GPM6A: variants seen among roughly 807,000 people sequenced by gnomAD.
The protein encoded by GPM6A is glycoprotein M6A.
GPM6A carries 7 observed loss-of-function variants against 32.1 expected under a neutral mutation model. The ratio of observed to expected loss-of-function variants is 0.22; its 90% CI spans 0.12 to 0.41. The LOEUF (loss-of-function observed/expected upper bound fraction) is 0.41, where lower values mean the gene tolerates loss of function less well. GPM6A is among the 10% of genes least tolerant of loss of function. The pLI is 1.00. For missense variants in GPM6A, 235 were observed against 347.2 expected (o/e 0.68, Z 2.57); for synonymous variants, 130 against 123.4 (o/e 1.05, Z -0.35).
At chr4:175,733,221 T>C (rs2581745) in intron 1 of GPM6A, among the ~76,000 whole-genome samples, 66,852 of 151,898 alleles carry the variant, frequency 0.44, 15,332 homozygotes, top group East Asian at 0.92. Flanking sequence ...AAAATAAACT[T>C]GGCAGTGTGC....
chr4:175,658,407 C>T (rs1440768274), intron 3 of GPM6A, among the ~76,000 whole-genome samples: 9 of 151,688 alleles, frequency 5.9e-5, no homozygotes, highest in Admixed American at 5.3e-4. Flanking sequence ...TCAGTGGTTG[C>T]CAAGTGTAGG....
intron 4 of GPM6A, among the ~76,000 whole-genome samples, chr4:175,649,156 A>T (rs1392678597): frequency 1.3e-5 from 2 of 152,146 alleles, no homozygotes; most frequent in African/African-American, 2.4e-5. Flanking sequence ...AAATTATTTC[A>T]TTTCTTAGGG....
intron 6 of GPM6A, among the ~76,000 whole-genome samples, chr4:175,637,818 AT>A (rs1740888847): frequency 8.6e-6 from 1 of 116,516 alleles, no homozygotes; most frequent in African/African-American, 3.4e-5. Flanking sequence ...CTATTTATAT[AT>A]TATATATAAA....
intron 6 of GPM6A, among the ~76,000 whole-genome samples, chr4:175,635,606 T>TAG (rs1439808053): frequency 6.6e-6 from 1 of 152,168 alleles, no homozygotes; most frequent in Admixed American, 6.6e-5. Context: ...AATATTGTGT[T>TAG]ACATGGATTT....
intron 1 of GPM6A, among the ~76,000 whole-genome samples, chr4:175,713,434 G>A (rs924775017): frequency 1.1e-4 from 17 of 152,030 alleles, no homozygotes; most frequent in African/African-American, 3.4e-4. Flanking sequence ...CTTGTGATCC[G>A]CCTGTCTCAG....
intron 1 of GPM6A, among the ~76,000 whole-genome samples, chr4:176,000,369 T>C (rs1741438787): frequency 6.6e-6 from 1 of 152,198 alleles, no homozygotes; most frequent in Non-Finnish European, 1.5e-5. Flanking sequence ...ACAACTCAGC[T>C]GTTAACTCCA....
chr4:175,658,417 G>C (rs537523349), intron 3 of GPM6A, among the ~76,000 whole-genome samples: 4 of 152,132 alleles, frequency 2.6e-5, no homozygotes, highest in East Asian at 1.9e-4. Flanking sequence ...CCAAGTGTAG[G>C]GGGGGTGAGA....
At chr4:175,645,656 G>T (rs1158548381) in intron 4 of GPM6A, among the ~76,000 whole-genome samples, 1 of 151,990 alleles carries the variant, frequency 6.6e-6, no homozygotes, top group African/African-American at 2.4e-5. Context: ...GGGAGGCAGA[G>T]GTTTCAGTGA....
intron 1 of GPM6A, among the ~76,000 whole-genome samples, chr4:175,779,722 A>AC (rs1244602403): frequency 6.6e-6 from 1 of 152,206 alleles, no homozygotes; most frequent in Non-Finnish European, 1.5e-5. Flanking sequence ...ACATATCTGC[A>AC]CTTAGTTTTT....
intron 1 of GPM6A, among the ~76,000 whole-genome samples, chr4:175,911,429 T>A (rs1411455376): frequency 6.6e-6 from 1 of 152,184 alleles, no homozygotes; most frequent in Non-Finnish European, 1.5e-5. Context: ...TTGGAATATG[T>A]TAGCTATTAT....
intron 1 of GPM6A, chr4:175,907,160 A>G (rs1395710461): frequency 6.6e-6 from 1 of 152,302 alleles, no homozygotes. Flanking sequence ...GTCTTACAGA[A>G]CACCTGCTGC....
At chr4:175,759,816 T>C (rs1732669133) in intron 1 of GPM6A, among the ~76,000 whole-genome samples, 1 of 152,188 alleles carries the variant, frequency 6.6e-6, no homozygotes, top group Non-Finnish European at 1.5e-5. Flanking sequence ...ATATAGCAAT[T>C]TTCTCCTTCA....
chr4:175,886,386 A>G (rs569027131), intron 1 of GPM6A, among the ~76,000 whole-genome samples: 1 of 152,324 alleles, frequency 6.6e-6, no homozygotes, highest in South Asian at 2.1e-4. Flanking sequence ...ATAACTGTCA[A>G]GCTAGAACCT....
At chr4:175,988,170 A>G (rs1345778073) in intron 1 of GPM6A, among the ~76,000 whole-genome samples, 1 of 152,156 alleles carries the variant, frequency 6.6e-6, no homozygotes, top group Non-Finnish European at 1.5e-5. Flanking sequence ...CTTTTTGTAA[A>G]TATTTGTTGC....
intron 1 of GPM6A, among the ~76,000 whole-genome samples, chr4:175,978,166 T>C (rs1740716326): frequency 6.6e-6 from 1 of 152,194 alleles, no homozygotes; most frequent in Non-Finnish European, 1.5e-5. Flanking sequence ...TTTAATTGAC[T>C]CACAGTTCCA....
At chr4:175,648,998 T>C (rs1276481361) in intron 4 of GPM6A, among the ~76,000 whole-genome samples, 2 of 152,240 alleles carry the variant, frequency 1.3e-5, no homozygotes, top group Non-Finnish European at 2.9e-5. Context: ...CTTAATAGAC[T>C]AATGGTTTAC....
intron 1 of GPM6A, among the ~76,000 whole-genome samples, chr4:175,851,230 A>ATG (rs1560964660): frequency 1.3e-5 from 2 of 151,364 alleles, no homozygotes; most frequent in Non-Finnish European, 1.5e-5. Flanking sequence ...GGTGGCGGGC[A>ATG]CCTGTAATCC....
At chr4:175,671,902 C>T (rs995365566) in intron 3 of GPM6A, among the ~76,000 whole-genome samples, 1 of 118,032 alleles carries the variant, frequency 8.5e-6, no homozygotes, top group African/African-American at 2.6e-5. Context: ...TGCTGCATTG[C>T]CTCTGGAGGA....
At chr4:175,971,065 A>G in intron 1 of GPM6A, 1 of 284,778 alleles carries the variant, frequency 3.5e-6, no homozygotes, top group South Asian at 3.0e-5. Context: ...GAAAAGGTGC[A>G]ATTCCCTGAC....
Sources: allele counts gnomAD v4.1 joint callset (sites outside exome capture counted in the v4.1 genomes callset), GRCh38; gene constraint gnomAD v4.1.1; transcripts MANE v1.5; gene names NCBI Gene and HGNC (gene_info 2026-07-23, HGNC 2026-07-21).